Variants in PCDHA12 observed in about 807,000 individuals in gnomAD.
The protein encoded by PCDHA12 is protocadherin alpha-12.
In PCDHA12, 44 loss-of-function variants were observed where a neutral mutation model predicts 60.0. The observed-to-expected ratio is 0.73, with a 90% confidence interval of 0.58 to 0.94. The LOEUF (loss-of-function observed/expected upper bound fraction) is 0.94. Ranked by LOEUF, PCDHA12 falls within the 40% of genes least tolerant of loss-of-function variation. The pLI is 0.00. For synonymous variants in PCDHA12, 569 were observed against 553.0 expected (o/e 1.03, Z -0.40); for missense variants, 1,276 against 1,239.7 (o/e 1.03, Z -0.44).
At chr5:140,928,532 A>G (rs781788985) in intron 1 of PCDHA12, 42 of 1,614,110 alleles carry the variant, frequency 2.6e-5, no homozygotes, top group Middle Eastern at 1.6e-4. Flanking sequence ...TTTGTGGTAG[A>G]TAGGAATGAC....
At chr5:141,004,013 G>C (rs1327248207) in intron 3 of PCDHA12, among the ~76,000 whole-genome samples, 4 of 152,124 alleles carry the variant, frequency 2.6e-5, no homozygotes, top group African/African-American at 9.7e-5. Context: ...AGGCAGCACT[G>C]AAAGAAGAAA....
intron 1 of PCDHA12, among the ~76,000 whole-genome samples, chr5:140,934,646 T>C (rs1554210032): frequency 6.6e-6 from 1 of 152,116 alleles, no homozygotes; most frequent in African/African-American, 2.4e-5. Flanking sequence ...GCAGGATAAA[T>C]GTTTGATTCT....
At chr5:140,905,033 T>C (rs1325621385) in intron 1 of PCDHA12, among the ~76,000 whole-genome samples, 3 of 152,234 alleles carry the variant, frequency 2.0e-5, no homozygotes, top group African/African-American at 7.2e-5. Context: ...AGAAGCTTTT[T>C]AGTTTAATTA....
rs190994194 is a variant in PCDHA12, at chr5:140,913,276, C to T, written c.2367+35437C>T. On this transcript the variant is annotated intron_variant, in intron 1 of 3. Transcript: ENST00000398631. ...TTTGATCTAATTACTTGTTATTGGTCTGTTTAGGTTTTAATTTCTTCATAG... is the reference window on the plus strand; with the variant it reads ...TTTGATCTAATTACTTGTTATTGGTTTGTTTAGGTTTTAATTTCTTCATAG... Among the ~76,000 whole-genome samples, 291 of 152,186 alleles carry T rather than the reference C, an allele frequency of 1.9e-3. 1 individual carries two copies. The highest frequency in any genetic ancestry group is 0.01 in the Middle Eastern group (3 of 294).
intron 1 of PCDHA12, among the ~76,000 whole-genome samples, chr5:140,926,112 A>G (rs556372882): frequency 3.3e-4 from 51 of 152,258 alleles, no homozygotes; most frequent in African/African-American, 1.2e-3. Context: ...AAGAGGGTGC[A>G]GGACAGACTT....
chr5:140,993,291 C>A (rs961103629), intron 3 of PCDHA12, among the ~76,000 whole-genome samples: 6 of 152,068 alleles, frequency 3.9e-5, no homozygotes, highest in African/African-American at 1.4e-4. Flanking sequence ...CCCAGGGTCA[C>A]AACCTTGCCT....
intron 1 of PCDHA12, among the ~76,000 whole-genome samples, chr5:140,962,346 TC>T (rs35212677): frequency 6.6e-6 from 1 of 152,108 alleles, no homozygotes; most frequent in Non-Finnish European, 1.5e-5. Flanking sequence ...GAAGTAAAAC[TC>T]CCCCCAATAC....
chr5:140,970,651 T>C (rs1191146950), intron 1 of PCDHA12, among the ~76,000 whole-genome samples: 4 of 152,226 alleles, frequency 2.6e-5, no homozygotes, highest in Non-Finnish European at 5.9e-5. Flanking sequence ...TAGTGATGAA[T>C]TGTTATCTTT....
chr5:141,009,606 T>C (rs2098413036), intron 3 of PCDHA12, 21 bp from the exon 4 acceptor site: 1 of 1,609,858 alleles, frequency 6.2e-7, no homozygotes, highest in Non-Finnish European at 8.5e-7. Flanking sequence ...TGTTAATGAT[T>C]TGTAATGTTT....
rs116001450 is a variant in PCDHA12 at position 140,876,617 on chromosome 5, A to G, written c.1145A>G (p.Asn382Ser). 182 of 1,614,178 alleles carry G rather than the reference A, an allele frequency of 1.1e-4. No individual in the cohort carries two copies. The African/African-American group carries it at 2.3e-3, about 20-fold the overall frequency. ...ISVSDRDSGA[N>S]GQVICSLTPH... ...GTGTCGGATCGTGACTCTGGAGCCAATGGACAGGTCATCTGCTCACTGACA... is the reference window on the plus strand; with the variant it reads ...GTGTCGGATCGTGACTCTGGAGCCAGTGGACAGGTCATCTGCTCACTGACA... The change falls in exon 1 of 4, where the codon AAT becomes AGT. Residue 382 changes from asparagine to serine, a missense_variant. Transcript: ENST00000398631.
At chr5:140,994,125 C>T (rs1007264886) in intron 3 of PCDHA12, among the ~76,000 whole-genome samples, 6 of 152,044 alleles carry the variant, frequency 3.9e-5, no homozygotes, top group African/African-American at 9.7e-5. Flanking sequence ...GTGATAAGGG[C>T]GACAATAATG....
rs377069661 is a variant in PCDHA12 at position 140,915,905 on chromosome 5, G to A, written c.2367+38066G>A. ...AGCAAGTTCCCCCTGGCCCTGGGCA[G>A]GCCCAGAGATGCTACTTGGGAGTCA... On this transcript the variant is annotated intron_variant, in intron 1 of 3. Transcript: ENST00000398631. Among the ~76,000 whole-genome samples, 6 of 152,266 alleles carry A rather than the reference G, an allele frequency of 3.9e-5. No individual in the cohort carries two copies. In the East Asian group the frequency reaches 1.2e-3, roughly 29 times the overall value.
chr5:140,979,033 C>T, intron 2 of PCDHA12, 26 bp downstream of exon 2: 1 of 1,613,044 alleles, frequency 6.2e-7, no homozygotes, highest in Non-Finnish European at 8.5e-7. Flanking sequence ...CTCATTCACT[C>T]AGAAGTAACC....
chr5:140,884,499 C>T (rs782667822), intron 1 of PCDHA12: 1 of 1,614,062 alleles, frequency 6.2e-7, no homozygotes, highest in South Asian at 1.1e-5. Flanking sequence ...TGCTCCAGCG[C>T]GGCAGGGAGT....
intron 1 of PCDHA12, among the ~76,000 whole-genome samples, chr5:140,917,639 C>T (rs151007423): frequency 1.6e-4 from 25 of 152,268 alleles, no homozygotes; most frequent in African/African-American, 5.8e-4. Flanking sequence ...AGCTAGTTAT[C>T]CCAGCAATAT....
At position 140,883,268 on chromosome 5, in the gene PCDHA12, T is replaced by C. The variant is rs782069573; in HGVS notation, c.2367+5429T>C. 3 of 1,613,912 alleles carry C rather than the reference T, an allele frequency of 1.9e-6. No homozygotes were observed. The African/African-American group carries it at 4.0e-5, about 22-fold the overall frequency. On this transcript the variant is annotated intron_variant, in intron 1 of 3. Coordinates refer to ENST00000398631, the MANE Select transcript of PCDHA12 (RefSeq NM_018903.4). ...AGGAAATATTCCAATGGCGGGTCAT[T>C]GTACCCTTTTGGTGGAAGTACTAGA...
intron 1 of PCDHA12, among the ~76,000 whole-genome samples, chr5:140,895,928 A>G (rs559949902): frequency 5.9e-5 from 9 of 152,226 alleles, no homozygotes; most frequent in African/African-American, 1.9e-4. Flanking sequence ...ATCCTGCCTC[A>G]GCCTCCCGAG....
At chr5:140,968,684 G>A in intron 1 of PCDHA12, 1 of 1,614,140 alleles carries the variant, frequency 6.2e-7, no homozygotes, top group Non-Finnish European at 8.5e-7. Flanking sequence ...GCTGCACACA[G>A]GAGAAATTAG....
At chr5:140,973,665 T>C (rs1309458037) in intron 1 of PCDHA12, among the ~76,000 whole-genome samples, 2 of 152,248 alleles carry the variant, frequency 1.3e-5, no homozygotes, top group Non-Finnish European at 2.9e-5. Context: ...CTATTTATTG[T>C]AGCTTGAATG....
Sources: gnomAD v4.1 joint callset for allele counts (sites outside exome capture counted in the v4.1 genomes callset) on GRCh38, gnomAD v4.1.1 for gene constraint, MANE v1.5 for transcripts, NCBI Gene and HGNC (gene_info 2026-07-23, HGNC 2026-07-21) for gene names.